Variants in ULK4 observed in about 807,000 individuals in gnomAD.
ULK4 encodes unc-51 like kinase 4.
Under a neutral mutation model 160.6 loss-of-function variants are expected in ULK4, and 133 were observed. The ratio of observed to expected loss-of-function variants is 0.83; its 90% CI spans 0.72 to 0.96. The LOEUF (loss-of-function observed/expected upper bound fraction) is 0.96. ULK4 is among the 40% of genes least tolerant of loss of function. The pLI, the probability that ULK4 is intolerant of heterozygous loss-of-function variation, is 0.00. For missense variants in ULK4, 1,580 were observed against 1,499.5 expected (o/e 1.05, Z -0.89); for synonymous variants, 534 against 539.8 (o/e 0.99, Z 0.15).
intron 31 of ULK4, among the ~76,000 whole-genome samples, chr3:41,611,276 G>T (rs986759096): frequency 6.6e-6 from 1 of 152,184 alleles, no homozygotes; most frequent in African/African-American, 2.4e-5. Context: ...TGCTGCCAAT[G>T]AAAATGCAGA....
rs903541098 is a variant in ULK4, at chr3:41,714,577, G to C, written c.2634+660C>G. Among the ~76,000 whole-genome samples, 8 of 151,956 alleles carry C rather than the reference G, an allele frequency of 5.3e-5. No homozygotes were observed. The South Asian group carries it at 1.5e-3, about 28-fold the overall frequency. On this transcript the variant is annotated intron_variant, in intron 25 of 36. Coordinates refer to ENST00000301831, the MANE Select transcript of ULK4 (RefSeq NM_017886.4). ...TATATACTGTAACTACTACTAGCAAGGGAAAAAGATAACATAATTCATGAG... is the reference window on the plus strand; with the variant it reads ...TATATACTGTAACTACTACTAGCAACGGAAAAAGATAACATAATTCATGAG...
chr3:41,811,996 G>A (rs945713234), intron 19 of ULK4, among the ~76,000 whole-genome samples: 2 of 152,052 alleles, frequency 1.3e-5, no homozygotes, highest in African/African-American at 4.8e-5. Flanking sequence ...TTTAACAATG[G>A]GGAGGCCAGG....
intron 35 of ULK4, among the ~76,000 whole-genome samples, chr3:41,339,116 TA>T (rs1367016726): frequency 6.6e-6 from 1 of 151,812 alleles, no homozygotes; most frequent in Non-Finnish European, 1.5e-5. Context: ...ATAATTTAGC[TA>T]CCACAAGCAG....
chr3:41,876,087 A>T (rs563592519), intron 17 of ULK4, among the ~76,000 whole-genome samples: 1 of 152,274 alleles, frequency 6.6e-6, no homozygotes, highest in African/African-American at 2.4e-5. Context: ...AAGCAGACAA[A>T]TCTGGAATGT....
chr3:41,574,320 G>C (rs926676009), intron 31 of ULK4, among the ~76,000 whole-genome samples: 1 of 151,970 alleles, frequency 6.6e-6, no homozygotes, highest in Non-Finnish European at 1.5e-5. Context: ...ACAAACCTTA[G>C]AATCATCGGG....
chr3:41,579,485 ATTTTTTTT>A (rs59650826), intron 31 of ULK4, among the ~76,000 whole-genome samples: 1 of 85,180 alleles, frequency 1.2e-5, no homozygotes, highest in Admixed American at 1.4e-4. Context: ...TGGAACTAAT[ATTTTTTTT>A]TTTTTTTTTT....
chr3:41,390,151 A>G (rs1213008377), intron 35 of ULK4, among the ~76,000 whole-genome samples: 1 of 152,008 alleles, frequency 6.6e-6, no homozygotes, highest in African/African-American at 2.4e-5. Context: ...TTTCTAGTTT[A>G]TTTGCTTAGA....
chr3:41,928,705 A>C (rs548404909), intron 5 of ULK4, among the ~76,000 whole-genome samples: 1 of 152,286 alleles, frequency 6.6e-6, no homozygotes, highest in South Asian at 2.1e-4. Context: ...AGAATACTAT[A>C]AACACCTCTA....
At chr3:41,344,434 A>G (rs2080754428) in intron 35 of ULK4, among the ~76,000 whole-genome samples, 2 of 152,184 alleles carry the variant, frequency 1.3e-5, no homozygotes, top group Admixed American at 6.5e-5. Flanking sequence ...TTTCATCATG[A>G]AAACACCAAA....
chr3:41,715,740 G>A (rs1024766055), intron 23 of ULK4, among the ~76,000 whole-genome samples, 172 bp from the exon 24 acceptor site: 9 of 152,120 alleles, frequency 5.9e-5, no homozygotes, highest in Middle Eastern at 3.4e-3. Context: ...TATGGCCTCC[G>A]GGGACAGAAT....
chr3:41,851,777 G>C (rs1298050781), intron 17 of ULK4, among the ~76,000 whole-genome samples: 3 of 151,862 alleles, frequency 2.0e-5, no homozygotes, highest in Admixed American at 1.3e-4. Context: ...AGCACTAAAT[G>C]CCCACAAGAG....
intron 35 of ULK4, among the ~76,000 whole-genome samples, chr3:41,293,455 T>C (rs1002914021): frequency 2.0e-5 from 3 of 152,144 alleles, no homozygotes; most frequent in South Asian, 2.1e-4. Context: ...CCTTGAGATA[T>C]ACATGATACA....
At chr3:41,851,792 C>G (rs565447161) in intron 17 of ULK4, among the ~76,000 whole-genome samples, 85 of 151,978 alleles carry the variant, frequency 5.6e-4, no homozygotes, top group African/African-American at 2.1e-3. Flanking sequence ...CAAGAGAAAG[C>G]AGGAAAGATC....
intron 5 of ULK4, among the ~76,000 whole-genome samples, chr3:41,929,717 A>G (rs888347231): frequency 7.2e-5 from 11 of 152,194 alleles, no homozygotes; most frequent in African/African-American, 2.4e-4. Context: ...GAGCCAAATT[A>G]TGAGTGAACT....
intron 35 of ULK4, among the ~76,000 whole-genome samples, chr3:41,260,588 G>A (rs1433978480): frequency 2.0e-5 from 3 of 152,206 alleles, no homozygotes; most frequent in Admixed American, 1.3e-4. Context: ...GTAAGCGGGG[G>A]ATCATCTGAA....
chr3:41,596,771 G>C (rs1198500128), intron 31 of ULK4, among the ~76,000 whole-genome samples: 1 of 152,178 alleles, frequency 6.6e-6, no homozygotes, highest in Non-Finnish European at 1.5e-5. Flanking sequence ...CTGAGGTACT[G>C]AGTGGCCAAA....
intron 32 of ULK4, among the ~76,000 whole-genome samples, chr3:41,552,496 A>G (rs2087110961): frequency 6.6e-6 from 1 of 151,886 alleles, no homozygotes; most frequent in Non-Finnish European, 1.5e-5. Flanking sequence ...AAGAAGGCAA[A>G]CCCATTTTCA....
At chr3:41,280,485 G>GA (rs1329573546) in intron 35 of ULK4, among the ~76,000 whole-genome samples, 1 of 152,174 alleles carries the variant, frequency 6.6e-6, no homozygotes, top group East Asian at 1.9e-4. Context: ...AATCAAATTA[G>GA]AACTCAGGAT....
chr3:41,273,392 A>G (rs1438119767), intron 35 of ULK4, among the ~76,000 whole-genome samples: 25 of 152,200 alleles, frequency 1.6e-4, no homozygotes, highest in Admixed American at 1.6e-3. Context: ...GCCCTGTACC[A>G]GCATGGGGCA....
Sources: gnomAD v4.1 joint callset for allele counts (sites outside exome capture counted in the v4.1 genomes callset) on GRCh38, gnomAD v4.1.1 for gene constraint, MANE v1.5 for transcripts, NCBI Gene and HGNC (gene_info 2026-07-23, HGNC 2026-07-21) for gene names.